CPAMD8: variants seen among roughly 807,000 people sequenced by gnomAD.
The protein encoded by CPAMD8 is C3 and PZP like alpha-2-macroglobulin domain containing 8.
In CPAMD8, 146 loss-of-function variants were observed where a neutral mutation model predicts 224.7. The ratio of observed to expected loss-of-function variants is 0.65; its 90% CI spans 0.57 to 0.75. CPAMD8 has a LOEUF of 0.75. CPAMD8 is among the 30% of genes least tolerant of loss of function. The probability of loss-of-function intolerance (pLI) is 0.00; values close to 1 mark genes in which losing one functional copy is unlikely to be tolerated. For missense variants in CPAMD8, 2,301 were observed against 2,537.5 expected (o/e 0.91, Z 2.00); for synonymous variants, 966 against 1,044.6 (o/e 0.92, Z 1.45).
intron 29 of CPAMD8, among the ~76,000 whole-genome samples, chr19:16,912,363 G>A (rs1291273084): frequency 1.3e-5 from 2 of 152,182 alleles, no homozygotes; most frequent in Non-Finnish European, 2.9e-5. Flanking sequence ...AGGTTGGAAG[G>A]CTATGGAGAA....
At chr19:16,943,722 T>C (rs1234686286) in intron 22 of CPAMD8, among the ~76,000 whole-genome samples, 2 of 152,198 alleles carry the variant, frequency 1.3e-5, no homozygotes, top group Non-Finnish European at 2.9e-5. Context: ...AGTTGACTGT[T>C]ATAAATGCCT....
Position 16,975,101 on chromosome 19 carries a change from A to T in CPAMD8, c.2066T>A (p.Phe689Tyr). Residue 689 changes from phenylalanine to tyrosine, a missense_variant, in exon 17 of 42, where the codon TTC (phenylalanine) becomes TAC (tyrosine). Transcript: ENST00000443236. ...TCTGAGACCACCTCTCCTTACGGTG[A>T]AGGCAAACCCAGAGTCCTTGGTGAT... is the stretch of plus-strand genomic sequence containing the variant. ...WGITKDSGFAFTETGLVVMTD... is the reference protein window; with the variant it reads ...WGITKDSGFAYTETGLVVMTD... 1 of 1,612,002 alleles carries T rather than the reference A, an allele frequency of 6.2e-7. No homozygotes were observed. The highest frequency in any genetic ancestry group is 8.5e-7 in the Non-Finnish European group (1 of 1,179,700).
intron 21 of CPAMD8, among the ~76,000 whole-genome samples, chr19:16,946,175 A>AT (rs2054072946): frequency 7.4e-6 from 1 of 134,378 alleles, no homozygotes; most frequent in East Asian, 2.3e-4. Context: ...TGTGTGTATG[A>AT]TTTGTGTGTG....
At chr19:17,000,238 G>A in intron 10 of CPAMD8, 176 bp downstream of exon 10, 1 of 499,608 alleles carries the variant, frequency 2.0e-6, no homozygotes, top group African/African-American at 1.9e-5. Flanking sequence ...AGGATCGCTT[G>A]AGCCCAGGAG....
intron 23 of CPAMD8, among the ~76,000 whole-genome samples, chr19:16,932,276 C>A (rs2034286138): frequency 6.6e-6 from 1 of 151,888 alleles, no homozygotes; most frequent in Non-Finnish European, 1.5e-5. Context: ...AAAAAATTAG[C>A]CAGGCGTGGT....
chr19:16,904,189 A>AG, intron 32 of CPAMD8, 37 bp downstream of exon 32: 1 of 285,368 alleles, frequency 3.5e-6, no homozygotes, highest in South Asian at 3.8e-5. Context: ...CCACCCACCC[A>AG]GCCCTGAGCC....
rs370777148 is a variant in CPAMD8, at chr19:16,925,328, G to A, written c.3415C>T (p.Arg1139Trp). 28 of 1,614,144 alleles carry A rather than the reference G, an allele frequency of 1.7e-5. No homozygotes were observed. Among genetic ancestry groups the A allele is most frequent in the South Asian group, 4.4e-5 (4 of 91,086 alleles). Residue 1139 changes from arginine to tryptophan, a missense_variant, in exon 26 of 42, where the codon CGG (arginine) becomes TGG (tryptophan). Physicochemically the swap from Arg to Trp is moderately radical, Grantham distance 101. This residue lies in a region of CPAMD8 where 1,709 missense variants were observed against 1,753.2 expected (regional missense o/e 0.97). Transcript: ENST00000443236. ...PTLNHLNNLL[R>W]LPFGCGEQNM... is the part of the protein sequence containing the mutation. The stretch of plus-strand genomic sequence containing the variant: ...TGCTCTCCACAGCCAAACGGCAGCC[G>A]CAGGAGGTTGTTGAGGTGGTTCAGG...
intron 3 of CPAMD8, among the ~76,000 whole-genome samples, chr19:17,012,282 G>C (rs1301707887): frequency 6.7e-6 from 1 of 150,188 alleles, no homozygotes; most frequent in Non-Finnish European, 1.5e-5. Context: ...GCCTCCCAAA[G>C]TACTGGGATT....
rs757333482 is a variant in CPAMD8 at position 16,896,646 on chromosome 19, C to T, written c.5085G>A (p.Ser1695=). ...ARGPGWFPGE[S]GPAVAPEEGA... The stretch of plus-strand genomic sequence containing the variant: ...CCTCCTCAGGGGCCACGGCAGGGCC[C>T]GACTCGCCGGGGAACCAGCCTGGGG... The change falls in exon 40 of 42, where the codon TCG becomes TCA. Residue 1695 remains serine, a synonymous_variant. Transcript: ENST00000443236. 1 of 1,475,866 alleles carries T rather than the reference C, an allele frequency of 6.8e-7. No homozygotes were observed. The highest frequency in any genetic ancestry group is 1.3e-5 in the South Asian group (1 of 76,880). The allele number at this position is 1,475,866 out of a possible 1,614,324, so 91.4% of individuals were successfully genotyped here. A position where few individuals can be genotyped will look rare whatever the true frequency, so the allele number is the denominator to read the frequency against.
At chr19:16,956,476 A>G (rs538566557) in intron 19 of CPAMD8, among the ~76,000 whole-genome samples, 3 of 152,094 alleles carry the variant, frequency 2.0e-5, no homozygotes, top group East Asian at 1.9e-4. Context: ...TCTAGCTACA[A>G]TGAAAATGTT....
chr19:16,909,629 C>CAGCTA (rs2052649123), intron 29 of CPAMD8, among the ~76,000 whole-genome samples: 1 of 151,854 alleles, frequency 6.6e-6, no homozygotes, highest in African/African-American at 2.4e-5. Context: ...CCTGTAATCC[C>CAGCTA]AGCTACTTGG....
chr19:16,896,304 C>A lies in CPAMD8; in HGVS notation c.5298G>T (p.Ser1766=). ...CCAGGTCATCCCCGTAGGTGGAGGA[C>A]GACGAGGCCGGCAGCCGCTGCTCTG... ...CALEQRLPAS[S]SSTYGDDLAS... is the part of the protein sequence containing the mutation. The change falls in exon 41 of 42, where the codon TCG becomes TCT. Residue 1766 remains serine, a synonymous_variant. Transcript: ENST00000443236. 1.2e-6 allele frequency: 2 copies of A among 1,609,076 alleles called. No individual in the cohort carries two copies. The highest frequency in any genetic ancestry group is 2.2e-5 in the South Asian group (2 of 90,818).
At chr19:16,897,861 G>C (rs1394261268) in intron 38 of CPAMD8, 28 bp downstream of exon 38, 1 of 1,588,956 alleles carries the variant, frequency 6.3e-7, no homozygotes, top group African/African-American at 1.3e-5. Flanking sequence ...GACCGGGCCG[G>C]GCCGGGGGTG....
intron 18 of CPAMD8, 74 bp from the exon 19 acceptor site, chr19:16,957,989 A>G: frequency 7.4e-7 from 1 of 1,356,378 alleles, no homozygotes; most frequent in Non-Finnish European, 1.0e-6. Context: ...GCAGCTTTGC[A>G]TTCTATTTGA....
intron 29 of CPAMD8, among the ~76,000 whole-genome samples, chr19:16,914,072 G>A (rs1361827699): frequency 6.6e-6 from 1 of 152,060 alleles, no homozygotes; most frequent in Non-Finnish European, 1.5e-5. Context: ...AGGGTTCCCT[G>A]AAGCCAACCC....
chr19:16,992,806 G>A (rs991858559), intron 12 of CPAMD8, among the ~76,000 whole-genome samples: 13 of 151,932 alleles, frequency 8.6e-5, no homozygotes, highest in South Asian at 2.1e-4. Flanking sequence ...GGGCATGCAC[G>A]TGTAATCTCA....
intron 25 of CPAMD8, among the ~76,000 whole-genome samples, chr19:16,926,207 G>A (rs1356943396): frequency 6.6e-6 from 1 of 151,988 alleles, no homozygotes; most frequent in Non-Finnish European, 1.5e-5. Flanking sequence ...CCATCCCCTT[G>A]ACATTCCGTA....
chr19:16,992,932 TAA>T (rs556711287), intron 12 of CPAMD8, among the ~76,000 whole-genome samples: 16 of 141,878 alleles, frequency 1.1e-4, no homozygotes, highest in African/African-American at 3.1e-4. Context: ...CCCTGTCTCT[TAA>T]AAAAAAAAAA....
intron 28 of CPAMD8, 75 bp from the exon 29 acceptor site, chr19:16,914,573 C>G: frequency 6.2e-7 from 1 of 1,611,178 alleles, no homozygotes; most frequent in South Asian, 1.1e-5. Context: ...CCAGGCAGCT[C>G]CAGGGAGTAG....
Sources: gnomAD v4.1 joint callset for allele counts (sites outside exome capture counted in the v4.1 genomes callset) on GRCh38, gnomAD v4.1.1 for gene constraint, gnomAD v4.1.1 regional missense constraint, MANE v1.5 for transcripts, NCBI Gene and HGNC (gene_info 2026-07-23, HGNC 2026-07-21) for gene names.